The following NARF variants were observed in gnomAD, a reference collection of about 807,000 sequenced individuals.
The protein encoded by NARF is iron-only hydrogenase-like protein 2.
A neutral mutation model predicts 48.0 loss-of-function variants in NARF; 41 were observed. The ratio of observed to expected loss-of-function variants is 0.85; its 90% CI spans 0.66 to 1.11. The LOEUF is 1.11. Ranked by LOEUF, NARF falls within the 50% of genes least tolerant of loss-of-function variation. NARF has a pLI of 0.00. For synonymous variants in NARF, 215 were observed against 225.5 expected, an observed-to-expected ratio of 0.95 and a Z score of 0.42; for missense variants, 613 against 590.2, an observed-to-expected ratio of 1.04 and a Z score of -0.40.
chr17:82,468,667 C>T, intron 3 of NARF, 97 bp from the exon 4 acceptor site: 1 of 1,144,106 alleles, frequency 8.7e-7, no homozygotes, highest in Non-Finnish European at 1.2e-6. Flanking sequence ...TTGCATAGAC[C>T]ATCTATTAAC....
intron 4 of NARF, among the ~76,000 whole-genome samples, chr17:82,472,318 A>G (rs1006155260): frequency 1.3e-5 from 2 of 152,064 alleles, no homozygotes; most frequent in Non-Finnish European, 2.9e-5. Context: ...CCTCATCTCT[A>G]CTAAAAAATA....
rs142376021 is a variant in NARF, at chr17:82,486,934, G to A, written c.1130-982G>A. On this transcript the variant is annotated intron_variant, in intron 10 of 10. Transcript: ENST00000309794. ...ATTTTTACTCAGGCCAGTGTTGGGT[G>A]TGTGGGCTCATGGCTGGGCTCACAG... 3.3e-5 allele frequency among the ~76,000 whole-genome samples: 5 copies of A among 152,340 alleles called. No individual in the cohort carries two copies. The East Asian group carries it at 5.8e-4, about 18-fold the overall frequency.
At chr17:82,478,138 T>G (rs1039854511) in intron 5 of NARF, among the ~76,000 whole-genome samples, 1 of 152,170 alleles carries the variant, frequency 6.6e-6, no homozygotes, top group African/African-American at 2.4e-5. Context: ...GCTGTACGCC[T>G]GCGGGAAAGG....
At chr17:82,458,214 C>G (rs28365943), upstream of NARF, 69,669 of 152,520 alleles carry the variant, frequency 0.46, 17,446 homozygotes, top group East Asian at 0.92. Flanking sequence ...GACACGACGT[C>G]AAGTGGCAAT....
chr17:82,478,514 C>T (rs1336969953), intron 5 of NARF: 6 of 504,776 alleles, frequency 1.2e-5, no homozygotes, highest in African/African-American at 5.8e-5. Context: ...GCTTGTTCCC[C>T]TTCACCTTTT....
chr17:82,458,719 G>T (rs559502861), upstream of NARF: 53 of 1,424,038 alleles, frequency 3.7e-5, no homozygotes, highest in African/African-American at 7.6e-4. Context: ...ACAACAAAGG[G>T]CCGCGGGCGG....
intron 7 of NARF, chr17:82,481,866 T>A (rs537554318): frequency 2.8e-6 from 1 of 352,738 alleles, no homozygotes; most frequent in Non-Finnish European, 5.5e-6. Context: ...GCGGGTCTCC[T>A]AATCACAAAC....
intron 10 of NARF, 120 bp from the exon 11 acceptor site, chr17:82,487,796 A>AACAAC: frequency 1.2e-6 from 1 of 819,924 alleles, no homozygotes; most frequent in Non-Finnish European, 1.9e-6. Context: ...CCCAATCTCT[A>AACAAC]CAAAAAATTT....
Position 82,472,560 on chromosome 17 carries a change from G to T in NARF, c.386-4G>T, listed in dbSNP as rs145183528. Reference sequence around the variant, plus strand: ...TAAGCTGAATATGCTCCTCTCTCCTGCAGGGGTGCACTATGTATTTGATAC... The same window carrying T: ...TAAGCTGAATATGCTCCTCTCTCCTTCAGGGGTGCACTATGTATTTGATAC... On this transcript the variant is annotated splice_polypyrimidine_tract_variant and splice_region_variant and intron_variant, in intron 4 of 10. Transcript: ENST00000309794. The T allele has an allele frequency of 6.2e-6, 10 of 1,608,254 alleles. No individual in the cohort carries two copies. In the East Asian group the frequency reaches 2.0e-4, roughly 33 times the overall value.
At chr17:82,468,722 T>A in intron 3 of NARF, 42 bp from the exon 4 acceptor site, 2 of 1,603,800 alleles carry the variant, frequency 1.2e-6, no homozygotes, top group Non-Finnish European at 1.7e-6. Context: ...TTACTCCTTG[T>A]GTAATCAGCA....
chr17:82,470,059 C>T (rs1335512339), intron 4 of NARF, among the ~76,000 whole-genome samples: 1 of 152,132 alleles, frequency 6.6e-6, no homozygotes, highest in East Asian at 1.9e-4. Context: ...TAACAAGATC[C>T]TATCTCTGCT....
chr17:82,487,581 G>A (rs2044123669), intron 10 of NARF, among the ~76,000 whole-genome samples: 1 of 151,924 alleles, frequency 6.6e-6, no homozygotes, highest in Non-Finnish European at 1.5e-5. Flanking sequence ...TGTTCAGCCA[G>A]CCCTAGCCTT....
intron 2 of NARF, 102 bp from the exon 3 acceptor site, chr17:82,464,185 C>G (rs2043505333): frequency 6.8e-7 from 1 of 1,460,176 alleles, no homozygotes; most frequent in Non-Finnish European, 9.3e-7. Context: ...GGTATTATCT[C>G]CAATGTTTAC....
chr17:82,481,317 C>A, intron 7 of NARF, 106 bp downstream of exon 7: 1 of 1,518,768 alleles, frequency 6.6e-7, no homozygotes, highest in South Asian at 1.2e-5. Flanking sequence ...CAGTGCCTGC[C>A]AATGTGGTCG....
rs148556166 is a variant in NARF, at chr17:82,489,391, G to A, written c.*1234G>A. 122 of 152,858 alleles carry A rather than the reference G, an allele frequency of 8.0e-4. No homozygotes were observed. Among genetic ancestry groups the A allele is most frequent in the Middle Eastern group, 3.3e-3 (1 of 300 alleles). The allele number at this position is 152,858 out of a possible 1,614,324, so 9.5% of individuals were successfully genotyped here. A position where few individuals can be genotyped will look rare whatever the true frequency, so the allele number is the denominator to read the frequency against. ...TACATTCAGTCTTTCAGTCGGACTC[G>A]CACTGGGGCAAGGGTGACAGACACG... On this transcript the variant is annotated 3_prime_UTR_variant, in exon 11 of 11. Transcript: ENST00000309794.
intron 7 of NARF, chr17:82,482,670 T>C (rs1199405823): frequency 1.3e-5 from 2 of 152,676 alleles, no homozygotes; most frequent in African/African-American, 4.8e-5. Context: ...TAAACAATTG[T>C]CATATAAATG....
At chr17:82,464,112 T>A in intron 2 of NARF, 175 bp from the exon 3 acceptor site, 1 of 735,482 alleles carries the variant, frequency 1.4e-6, no homozygotes, top group Admixed American at 3.0e-5. Context: ...CTTCACCACC[T>A]TGAGCTGCTC....
At chr17:82,480,282 A>AGT (rs1372222649) in intron 6 of NARF, 3 of 346,894 alleles carry the variant, frequency 8.6e-6, no homozygotes, top group African/African-American at 6.5e-5. Flanking sequence ...TGAAGTAGCC[A>AGT]GCGCGCGCAC....
Position 82,488,179 on chromosome 17 carries a change from C to G in NARF, c.*22C>G, listed in dbSNP as rs1464819313. On this transcript the variant is annotated 3_prime_UTR_variant, in exon 11 of 11. Coordinates refer to ENST00000309794, the MANE Select transcript of NARF (RefSeq NM_012336.4). ...GTGAAGTCAGGCCAGGGCCTTCCAG[C>G]TGCTCTTGGGGCCAGAGCCAAGAGC... The G allele has an allele frequency of 6.2e-7, 1 of 1,607,900 alleles. No homozygotes were observed. The highest frequency in any genetic ancestry group is 1.7e-5 in the Admixed American group (1 of 59,874).
Sources: gnomAD v4.1 joint callset for allele counts (sites outside exome capture counted in the v4.1 genomes callset) on GRCh38, gnomAD v4.1.1 for gene constraint, MANE v1.5 for transcripts, NCBI Gene and HGNC (gene_info 2026-07-23, HGNC 2026-07-21) for gene names.